SYNJ2BP: variants seen among roughly 807,000 people sequenced by gnomAD.
SYNJ2BP encodes the protein synaptojanin 2 binding protein, also known as synaptojanin-2-binding protein.
Under a neutral mutation model 16.9 loss-of-function variants are expected in SYNJ2BP, and 10 were observed. That is an observed-to-expected ratio of 0.59 (90% confidence interval 0.36 to 1.00). The LOEUF (loss-of-function observed/expected upper bound fraction) is 1.00. Among genes scored for constraint, SYNJ2BP ranks in the 50% least tolerant of loss-of-function variants. The probability of loss-of-function intolerance (pLI) is 0.01; values close to 1 mark genes in which losing one functional copy is unlikely to be tolerated. For synonymous variants in SYNJ2BP, 54 were observed against 68.4 expected (o/e 0.79, Z 1.04); for missense variants, 162 against 186.7 (o/e 0.87, Z 0.77).
chr14:70,409,934 ATC>A (rs1185918219), intron 1 of SYNJ2BP, among the ~76,000 whole-genome samples: 1 of 145,604 alleles, frequency 6.9e-6, no homozygotes, highest in Non-Finnish European at 1.5e-5. Context: ...ACATAGTGAG[ATC>A]TCGTCTCTAC....
chr14:70,405,850 T>G (rs1402505442), intron 1 of SYNJ2BP, among the ~76,000 whole-genome samples: 1 of 152,216 alleles, frequency 6.6e-6, no homozygotes. Context: ...GATGTGTTGG[T>G]CTTGTGCTGT....
chr14:70,377,225 T>C (rs997906336), intron 2 of SYNJ2BP, among the ~76,000 whole-genome samples: 3 of 152,238 alleles, frequency 2.0e-5, no homozygotes, highest in Non-Finnish European at 4.4e-5. Context: ...CATCTAGGAG[T>C]TCCTGTTGTA....
At chr14:70,385,324 C>T (rs1038165896) in intron 2 of SYNJ2BP, among the ~76,000 whole-genome samples, 16 of 151,906 alleles carry the variant, frequency 1.1e-4, no homozygotes, top group Non-Finnish European at 2.1e-4. Flanking sequence ...TATAGAAAGA[C>T]GAATTTCAGT....
At chr14:70,377,284 T>C (rs532232371) in intron 2 of SYNJ2BP, among the ~76,000 whole-genome samples, 4 of 152,300 alleles carry the variant, frequency 2.6e-5, no homozygotes, top group African/African-American at 9.6e-5. Context: ...GTCCCCAAGA[T>C]CTTCTGCCAT....
chr14:70,398,799 C>T (rs960589081), intron 1 of SYNJ2BP, among the ~76,000 whole-genome samples: 1 of 152,080 alleles, frequency 6.6e-6, no homozygotes, highest in African/African-American at 2.4e-5. Context: ...GGCTCCAGGT[C>T]CTCATTGGGC....
At chr14:70,374,635 A>C (rs1887585846) in intron 3 of SYNJ2BP, among the ~76,000 whole-genome samples, 1 of 152,184 alleles carries the variant, frequency 6.6e-6, no homozygotes, top group Admixed American at 6.5e-5. Context: ...TGCTGCCTTG[A>C]CTGAATTCTG....
At position 70,388,519 on chromosome 14, in the gene SYNJ2BP, C is replaced by T. The variant is rs1472731955; in HGVS notation, c.152G>A (p.Gly51Glu). The change falls in exon 2 of 4, where the codon GGG becomes GAG. Residue 51 changes from glycine (G) to glutamate (E), a missense_variant. Gly to Glu is a moderately conservative substitution (Grantham distance 98, BLOSUM62 -2). Transcript: ENST00000256366. Reference protein sequence around the residue: ...GIYVSRIKENGAAALDGRLQE... With the variant: ...GIYVSRIKENEAAALDGRLQE... ...GAGCCGCCCATCCAGGGCCGCAGCC[C>T]CATTTTCTTTGATGCGGCTGACGTA... 1 of 1,598,768 alleles carries T rather than the reference C, an allele frequency of 6.3e-7. No individual in the cohort carries two copies. The highest frequency in any genetic ancestry group is 8.5e-7 in the Non-Finnish European group (1 of 1,172,966).
At chr14:70,382,065 T>C (rs890989671) in intron 2 of SYNJ2BP, among the ~76,000 whole-genome samples, 1 of 152,062 alleles carries the variant, frequency 6.6e-6, no homozygotes, top group African/African-American at 2.4e-5. Context: ...TGAAACCCTG[T>C]CTCTACTAAA....
At chr14:70,400,954 T>A (rs1031449883) in intron 1 of SYNJ2BP, among the ~76,000 whole-genome samples, 1 of 152,218 alleles carries the variant, frequency 6.6e-6, no homozygotes, top group East Asian at 1.9e-4. Flanking sequence ...AGAAGCAGTT[T>A]ATGACTTTTG....
At position 70,370,404 on chromosome 14, in the gene SYNJ2BP, G is replaced by A. The variant is rs528454871; in HGVS notation, c.*2587C>T. ...TGGTTGGAGTGACAACTAGAATGTT[G>A]TCCGTGTTTTTCTGTGGAACCTACA... On this transcript the variant is annotated 3_prime_UTR_variant, in exon 4 of 4. Transcript: ENST00000256366. The A allele has an allele frequency of 2.0e-5, 3 of 152,260 alleles. No homozygotes were observed. In the South Asian group the frequency reaches 6.2e-4, roughly 32 times the overall value. 9.4% of individuals were successfully genotyped at this position (152,260 alleles called of 1,614,324 possible).
Position 70,369,952 on chromosome 14 carries a change from T to C in SYNJ2BP, c.*3039A>G, listed in dbSNP as rs1887482596. ...TATTAGACTCAATCTATGAAGAACA[T>C]GAATTTTTTTACAACCTATAATGGA... On this transcript the variant is annotated 3_prime_UTR_variant, in exon 4 of 4. Coordinates refer to ENST00000256366, the MANE Select transcript of SYNJ2BP (RefSeq NM_018373.3). 1 of 152,226 alleles carries C rather than the reference T, an allele frequency of 6.6e-6. No homozygotes were observed. Among genetic ancestry groups the C allele is most frequent in the South Asian group, 2.1e-4 (1 of 4,832 alleles). The allele number at this position is 152,226 out of a possible 1,614,324, so 9.4% of individuals were successfully genotyped here. A position where few individuals can be genotyped will look rare whatever the true frequency, so the allele number is the denominator to read the frequency against.
intron 1 of SYNJ2BP, among the ~76,000 whole-genome samples, chr14:70,404,465 A>G (rs1286053715): frequency 6.6e-6 from 1 of 152,258 alleles, no homozygotes; most frequent in African/African-American, 2.4e-5. Flanking sequence ...ATGCTAAATT[A>G]AGTAACAGAT....
intron 1 of SYNJ2BP, among the ~76,000 whole-genome samples, chr14:70,410,215 G>A (rs1004345518): frequency 6.6e-6 from 1 of 152,108 alleles, no homozygotes; most frequent in African/African-American, 2.4e-5. Context: ...AGGAGTTGGA[G>A]ACCAGCCTGG....
Position 70,372,910 on chromosome 14 carries a change from G to A in SYNJ2BP, c.*81C>T, listed in dbSNP as rs1197877114. ...CTTCAAATCTGGCTATGCAGAGAGAGGGAAAGACATGGCAGAATAGCAGGG... is the reference window on the plus strand; with the variant it reads ...CTTCAAATCTGGCTATGCAGAGAGAAGGAAAGACATGGCAGAATAGCAGGG... On this transcript the variant is annotated 3_prime_UTR_variant, in exon 4 of 4. Transcript: ENST00000256366. The A allele has an allele frequency of 6.3e-7, 1 of 1,576,474 alleles. No individual in the cohort carries two copies. Among genetic ancestry groups the A allele is most frequent in the East Asian group, 2.2e-5 (1 of 44,728 alleles).
intron 1 of SYNJ2BP, among the ~76,000 whole-genome samples, chr14:70,416,367 G>A (rs745654521): frequency 3.5e-5 from 5 of 144,154 alleles, no homozygotes; most frequent in Non-Finnish European, 7.5e-5. Context: ...GCGGAACCAA[G>A]TTTGGGAACC....
chr14:70,393,746 C>G (rs902366436), intron 1 of SYNJ2BP, among the ~76,000 whole-genome samples: 1 of 149,950 alleles, frequency 6.7e-6, no homozygotes, highest in Non-Finnish European at 1.5e-5. Context: ...AAGTGGGAGC[C>G]GAACAATGAG....
chr14:70,366,666 TAATA>T lies in SYNJ2BP; in HGVS notation c.*6321_*6324del, dbSNP rs1386637328. 6.6e-6 allele frequency: 1 copy of T among 152,234 alleles called. No homozygotes were observed. Among genetic ancestry groups the T allele is most frequent in the Non-Finnish European group, 1.5e-5 (1 of 68,038 alleles). The allele number at this position is 152,234 out of a possible 1,614,324, so 9.4% of individuals were successfully genotyped here. ...TTAATCCGTAGTGACATTCCCTGGA[TAATA>T]AATACAGTTTTATGTCCGTGTGTCT... On this transcript the variant is annotated 3_prime_UTR_variant, in exon 4 of 4. Coordinates refer to ENST00000256366, the MANE Select transcript of SYNJ2BP (RefSeq NM_018373.3).
rs1888623471 is a variant in SYNJ2BP, at chr14:70,416,880, A to G, written c.64+20T>C. 6.2e-7 allele frequency: 1 copy of G among 1,613,988 alleles called. No homozygotes were observed. The highest frequency in any genetic ancestry group is 8.5e-7 in the Non-Finnish European group (1 of 1,180,010). On this transcript the variant is annotated intron_variant, in intron 1 of 3. Coordinates refer to ENST00000256366, the MANE Select transcript of SYNJ2BP (RefSeq NM_018373.3). Reference sequence around the variant, plus strand: ...ACCCTCTAATCCCCTACTGTCAGATATGACCCTTTCCGCACATACCTGAGG... The same window carrying G: ...ACCCTCTAATCCCCTACTGTCAGATGTGACCCTTTCCGCACATACCTGAGG...
At chr14:70,408,665 C>T (rs1888403152) in intron 1 of SYNJ2BP, among the ~76,000 whole-genome samples, 1 of 84,870 alleles carries the variant, frequency 1.2e-5, no homozygotes, top group South Asian at 5.0e-4. Flanking sequence ...AAGAACAAAA[C>T]TCCGTCTCAA....
Sources: allele counts gnomAD v4.1 joint callset (sites outside exome capture counted in the v4.1 genomes callset), GRCh38; gene constraint gnomAD v4.1.1; transcripts MANE v1.5; gene names NCBI Gene and HGNC (gene_info 2026-07-23, HGNC 2026-07-21).